C8orf89: variants seen among roughly 807,000 people sequenced by gnomAD.
C8orf89 encodes the protein putative uncharacterized protein C8orf89.
In C8orf89, 14 loss-of-function variants were observed where a neutral mutation model predicts 15.8. That is an observed-to-expected ratio of 0.89 (90% CI 0.59 to 1.39). The LOEUF (loss-of-function observed/expected upper bound fraction) is 1.39, where lower values mean the gene tolerates loss of function less well. Among genes scored for constraint, C8orf89 ranks in the 40% most tolerant of loss-of-function variants. The pLI is 0.00. For synonymous variants in C8orf89, 55 were observed against 62.2 expected, an observed-to-expected ratio of 0.88 and a Z score of 0.54; for missense variants, 181 against 184.5, an observed-to-expected ratio of 0.98 and a Z score of 0.11.
intron 3 of C8orf89, among the ~76,000 whole-genome samples, chr8:73,248,323 T>C (rs1448431800): frequency 6.6e-6 from 1 of 152,256 alleles, no homozygotes; most frequent in Non-Finnish European, 1.5e-5. Context: ...ACCAGTACCA[T>C]GCTGTTTTGG....
upstream of C8orf89, among the ~76,000 whole-genome samples, chr8:73,262,100 TA>T (rs1271611673): frequency 1.3e-5 from 2 of 152,134 alleles, no homozygotes; most frequent in Non-Finnish European, 2.9e-5. Flanking sequence ...CAAAACTAAC[TA>T]AAATATGGAG....
chr8:73,253,191 A>G (rs1813287544), intron 2 of C8orf89, among the ~76,000 whole-genome samples: 2 of 152,228 alleles, frequency 1.3e-5, no homozygotes, highest in South Asian at 4.1e-4. Context: ...TGAAGAACAA[A>G]TAAACAAACC....
At chr8:73,255,607 G>A (rs572368335) in intron 2 of C8orf89, among the ~76,000 whole-genome samples, 18 of 150,024 alleles carry the variant, frequency 1.2e-4, no homozygotes, top group Admixed American at 1.2e-3. Context: ...TCCCATTACT[G>A]GGTATATACC....
At chr8:73,284,570 T>G in the C8orf89 span, among the ~76,000 whole-genome samples, 1 of 151,804 alleles carries the variant, frequency 6.6e-6, no homozygotes, top group African/African-American at 2.4e-5. Flanking sequence ...ATGATTCCAT[T>G]ATGACCAAAA....
At chr8:73,255,356 A>G (rs1813347198) in intron 2 of C8orf89, among the ~76,000 whole-genome samples, 1 of 152,068 alleles carries the variant, frequency 6.6e-6, no homozygotes, top group Admixed American at 6.5e-5. Flanking sequence ...CAGCCAAAAA[A>G]CACATGAAAA....
the C8orf89 span, chr8:73,277,693 C>G: frequency 1.3e-6 from 1 of 752,652 alleles, no homozygotes; most frequent in South Asian, 1.3e-5. Flanking sequence ...CACTTCATTC[C>G]TGATGTGCTC....
the C8orf89 span, among the ~76,000 whole-genome samples, chr8:73,270,059 T>C: frequency 4.6e-5 from 7 of 152,208 alleles, no homozygotes; most frequent in South Asian, 2.1e-4. Flanking sequence ...TAAAAACTTA[T>C]AGTAGCAAGA....
the C8orf89 span, among the ~76,000 whole-genome samples, chr8:73,264,977 G>T: frequency 6.6e-6 from 1 of 152,138 alleles, no homozygotes; most frequent in Non-Finnish European, 1.5e-5. Context: ...ATCCAATATG[G>T]TAGACCCTAG....
rs115687078 is a variant in C8orf89 at position 73,244,114 on chromosome 8, T to C, written c.338-2509A>G. ...GTTATTTTCTTCAAATAAAAACATT[T>C]CTCATAAATGCTAAGTGAAGTAAAA... On this transcript the variant is annotated intron_variant, in intron 3 of 3. Coordinates refer to ENST00000624510, the MANE Select transcript of C8orf89 (RefSeq NM_001243237.3). Among the ~76,000 whole-genome samples the C allele has an allele frequency of 8.0e-3, 1,216 of 152,314 alleles. 20 individuals are homozygous for C. The highest frequency in any genetic ancestry group is 0.028 in the African/African-American group (1,164 of 41,572).
At chr8:73,277,986 C>T in the C8orf89 span, 1 of 621,108 alleles carries the variant, frequency 1.6e-6, no homozygotes, top group East Asian at 3.6e-5. Context: ...GCCCCCAGGG[C>T]TCTTGCACCG....
the C8orf89 span, among the ~76,000 whole-genome samples, chr8:73,280,107 G>T: frequency 2.6e-5 from 4 of 152,332 alleles, no homozygotes; most frequent in African/African-American, 7.2e-5. Context: ...TGAAGCCATA[G>T]TAACTGAACA....
At chr8:73,282,744 C>T in the C8orf89 span, among the ~76,000 whole-genome samples, 1 of 152,094 alleles carries the variant, frequency 6.6e-6, no homozygotes, top group Non-Finnish European at 1.5e-5. Flanking sequence ...AGAGAAATTA[C>T]AAGGCAATCA....
intron 1 of C8orf89, 90 bp downstream of exon 1, chr8:73,259,242 A>G: frequency 1.3e-6 from 1 of 782,836 alleles, no homozygotes; most frequent in Non-Finnish European, 1.8e-6. Context: ...AATGTCACAG[A>G]AAATGTCCCT....
the C8orf89 span, among the ~76,000 whole-genome samples, chr8:73,267,594 G>C: frequency 6.6e-5 from 10 of 152,324 alleles, no homozygotes; most frequent in Middle Eastern, 3.4e-3. Context: ...GAGGGAATTA[G>C]AGTATGATTA....
chr8:73,261,917 A>G (rs1200432007), upstream of C8orf89, among the ~76,000 whole-genome samples: 1 of 152,036 alleles, frequency 6.6e-6, no homozygotes, highest in Non-Finnish European at 1.5e-5. Flanking sequence ...TGCTGCCACC[A>G]CCCTCTCTAT....
At chr8:73,282,228 C>G in the C8orf89 span, among the ~76,000 whole-genome samples, 1 of 152,188 alleles carries the variant, frequency 6.6e-6, no homozygotes, top group Non-Finnish European at 1.5e-5. Context: ...AAGAGAGATT[C>G]TGCCTGCACA....
chr8:73,256,308 G>A (rs1230951055), intron 2 of C8orf89, among the ~76,000 whole-genome samples: 2 of 151,926 alleles, frequency 1.3e-5, no homozygotes, highest in Non-Finnish European at 2.9e-5. Context: ...TGAAGCACAA[G>A]GTTCTATATA....
At chr8:73,256,130 A>AAATAATAATAAT (rs71268002) in intron 2 of C8orf89, among the ~76,000 whole-genome samples, 92 of 147,988 alleles carry the variant, frequency 6.2e-4, no homozygotes, top group African/African-American at 2.1e-3. Flanking sequence ...AATAAATAAC[A>AAATAATAATAAT]AATAATAATA....
chr8:73,285,717 C>G, the C8orf89 span, among the ~76,000 whole-genome samples: 1 of 152,198 alleles, frequency 6.6e-6, no homozygotes, highest in African/African-American at 2.4e-5. Context: ...GCGGGCACAG[C>G]GGGCAGTGTG....
Sources: allele counts gnomAD v4.1 joint callset (sites outside exome capture counted in the v4.1 genomes callset), GRCh38; gene constraint gnomAD v4.1.1; transcripts MANE v1.5; gene names NCBI Gene and HGNC (gene_info 2026-07-23, HGNC 2026-07-21).